SUPT3H: variants seen among roughly 807,000 people sequenced by gnomAD.
The protein encoded by SUPT3H is SPT3 homolog, SAGA and STAGA complex component.
A neutral mutation model predicts 44.3 loss-of-function variants in SUPT3H; 44 were observed. That is an observed-to-expected ratio of 0.99 (90% CI 0.78 to 1.28). SUPT3H has a LOEUF of 1.28. Ranked by LOEUF, SUPT3H falls within the 50% of genes most tolerant of loss-of-function variation. The pLI, the probability that SUPT3H is intolerant of heterozygous loss-of-function variation, is 0.00. For synonymous variants in SUPT3H, 124 were observed against 125.6 expected, an observed-to-expected ratio of 0.99 and a Z score of 0.09; for missense variants, 380 against 387.1, an observed-to-expected ratio of 0.98 and a Z score of 0.15.
intron 10 of SUPT3H, among the ~76,000 whole-genome samples, chr6:44,844,207 C>T (rs1771487159): frequency 6.6e-6 from 1 of 152,082 alleles, no homozygotes; most frequent in African/African-American, 2.4e-5. Flanking sequence ...AAAAAGTGAA[C>T]CTCGATTCTT....
At chr6:45,306,617 C>A (rs1375285689) in intron 2 of SUPT3H, among the ~76,000 whole-genome samples, 2 of 152,180 alleles carry the variant, frequency 1.3e-5, no homozygotes, top group East Asian at 1.9e-4. Flanking sequence ...CCATGAAAAA[C>A]CAAGGAGACA....
intron 3 of SUPT3H, among the ~76,000 whole-genome samples, chr6:45,079,342 A>C (rs1348782083): frequency 6.6e-6 from 1 of 151,904 alleles, no homozygotes; most frequent in Non-Finnish European, 1.5e-5. Context: ...ACTCAGCAAA[A>C]AGGAAGAAAA....
chr6:45,364,105 ACT>A (rs1381135267), intron 2 of SUPT3H, among the ~76,000 whole-genome samples: 5 of 124,534 alleles, frequency 4.0e-5, no homozygotes, highest in African/African-American at 1.6e-4. Context: ...ACAGAGTGAG[ACT>A]CTGTCTCAAA....
At chr6:45,294,399 A>T (rs1377310683) in intron 2 of SUPT3H, among the ~76,000 whole-genome samples, 1 of 152,182 alleles carries the variant, frequency 6.6e-6, no homozygotes, top group Non-Finnish European at 1.5e-5. Context: ...AGTTGAAAGC[A>T]TTCCCTCTGA....
Position 45,077,648 on chromosome 6 carries a change from GA to G in SUPT3H, c.186+28273del, listed in dbSNP as rs5875907. ...TTTCAAAAAAAAAAAAAAAAGAAAA[GA>G]AAAAAAAAAGTGTTCATGAAACAAA... On this transcript the variant is annotated intron_variant, in intron 3 of 10. Transcript: ENST00000371459. Among the ~76,000 whole-genome samples the G allele has an allele frequency of 4.5e-3, 477 of 105,724 alleles. 4 individuals carry two copies. The highest frequency in any genetic ancestry group is 0.04 in the East Asian group (160 of 3,960). The allele number at this position is 105,724 out of a possible 152,430, so 69.4% of individuals were successfully genotyped here.
At chr6:44,825,667 G>A (rs3997494), downstream of SUPT3H, among the ~76,000 whole-genome samples, 143,772 of 151,910 alleles carry the variant, frequency 0.95, 67,911 homozygotes, top group East Asian at 1. Context: ...ATGGTGTGCT[G>A]TAATTATTAT....
chr6:45,280,597 A>G (rs555864168), intron 2 of SUPT3H, among the ~76,000 whole-genome samples: 3 of 152,204 alleles, frequency 2.0e-5, no homozygotes, highest in Non-Finnish European at 4.4e-5. Context: ...TTATACTTTG[A>G]TTATCATTTG....
chr6:44,930,405 T>C (rs1260701658), intron 10 of SUPT3H, among the ~76,000 whole-genome samples: 2 of 149,648 alleles, frequency 1.3e-5, no homozygotes, highest in Non-Finnish European at 3.0e-5. Context: ...AAAAAAATTA[T>C]TACAAAAATT....
intron 2 of SUPT3H, among the ~76,000 whole-genome samples, chr6:45,187,172 T>C (rs909905923): frequency 4.2e-5 from 6 of 143,778 alleles, no homozygotes; most frequent in Non-Finnish European, 1.5e-5. Flanking sequence ...CCCAACACTC[T>C]GGGAGGCGGA....
chr6:44,942,635 G>T (rs1170408574), intron 9 of SUPT3H, among the ~76,000 whole-genome samples: 1 of 152,128 alleles, frequency 6.6e-6, no homozygotes, highest in African/African-American at 2.4e-5. Context: ...GTCTCACTAT[G>T]TCCGGGCTAG....
intron 5 of SUPT3H, among the ~76,000 whole-genome samples, chr6:45,012,097 GT>G (rs369337555): frequency 0.023 from 3,066 of 134,338 alleles, 56 homozygotes; most frequent in South Asian, 0.096. Flanking sequence ...TTTTTTGTCT[GT>G]TTTTTTTTTT....
Position 45,020,564 on chromosome 6 carries a change from A to C in SUPT3H, c.255T>G (p.Phe85Leu), listed in dbSNP as rs1451174628. 6.2e-7 allele frequency: 1 copy of C among 1,611,438 alleles called. No individual in the cohort carries two copies. Among genetic ancestry groups the C allele is most frequent in the Non-Finnish European group, 8.5e-7 (1 of 1,178,242 alleles). Residue 85 changes from phenylalanine (F) to leucine (L), a missense_variant, in exon 4 of 11, where the codon TTT (phenylalanine) becomes TTG (leucine). By Grantham distance (22) the Phe-to-Leu change is conservative. Coordinates refer to ENST00000371459, the MANE Select transcript of SUPT3H (RefSeq NM_003599.4). ...ARVITPEDLLFLMRKDKKKLR... is the reference protein window; with the variant it reads ...ARVITPEDLLLLMRKDKKKLR... ...ATATTACCTTATCTTTGCGCATCAA[A>C]AACAGAAGATCTTCAGGAGTGATTA...
rs566895622 is a variant in SUPT3H at position 44,885,073 on chromosome 6, GC to G, written c.912+47579del. Among the ~76,000 whole-genome samples, 293 of 152,292 alleles carry G rather than the reference GC, an allele frequency of 1.9e-3. 2 individuals are homozygous for G. Among genetic ancestry groups the G allele is most frequent in the African/African-American group, 6.7e-3 (279 of 41,564 alleles). On this transcript the variant is annotated intron_variant, in intron 10 of 10. Transcript: ENST00000371459. ...CAGTGAGGCTGGGGAAGGGGCACCC[GC>G]CATTGCCCAGGCTTGCTTAGGTAAA...
chr6:45,156,801 C>A (rs1807901340), intron 2 of SUPT3H, among the ~76,000 whole-genome samples: 1 of 151,684 alleles, frequency 6.6e-6, no homozygotes, highest in Admixed American at 6.6e-5. Context: ...TATCAGAACA[C>A]TTTTTACAAT....
rs74402362 is a variant in SUPT3H, at chr6:45,051,718, G to A, written c.187-31086C>T. Among the ~76,000 whole-genome samples, 1,384 of 152,190 alleles carry A rather than the reference G, an allele frequency of 9.1e-3. 12 individuals are homozygous for A. The highest frequency in any genetic ancestry group is 0.015 in the Non-Finnish European group (1,038 of 68,014). On this transcript the variant is annotated intron_variant, in intron 3 of 10. Coordinates refer to ENST00000371459, the MANE Select transcript of SUPT3H (RefSeq NM_003599.4). ...ATTTAACCAGTGTTGAGTATTGCCAGCTGAATAAGACAAATGAAATGAGGC... is the reference window on the plus strand; with the variant it reads ...ATTTAACCAGTGTTGAGTATTGCCAACTGAATAAGACAAATGAAATGAGGC...
chr6:45,153,116 T>C (rs566068152), intron 2 of SUPT3H, among the ~76,000 whole-genome samples: 2 of 152,336 alleles, frequency 1.3e-5, no homozygotes, highest in East Asian at 3.9e-4. Flanking sequence ...TTGGCCTTTC[T>C]TGGTCATCAT....
At chr6:45,200,755 G>C (rs1380724689) in intron 2 of SUPT3H, among the ~76,000 whole-genome samples, 3 of 150,976 alleles carry the variant, frequency 2.0e-5, no homozygotes, top group Admixed American at 6.6e-5. Flanking sequence ...TGTAATATAA[G>C]ATTTTTTTTT....
intron 11 of SUPT3H, among the ~76,000 whole-genome samples, chr6:44,816,670 A>G (rs1284295366): frequency 6.6e-6 from 1 of 152,192 alleles, no homozygotes; most frequent in African/African-American, 2.4e-5. Context: ...TGATATAAAA[A>G]CCAGAAATGA....
At chr6:45,367,612 C>A (rs544447660) in intron 1 of SUPT3H, among the ~76,000 whole-genome samples, 69 of 152,234 alleles carry the variant, frequency 4.5e-4, no homozygotes, top group Non-Finnish European at 6.9e-4. Context: ...AGAAGGCTGA[C>A]AGAGCTATCT....
Sources: allele counts gnomAD v4.1 joint callset (sites outside exome capture counted in the v4.1 genomes callset), GRCh38; gene constraint gnomAD v4.1.1; transcripts MANE v1.5; gene names NCBI Gene and HGNC (gene_info 2026-07-23, HGNC 2026-07-21).